GRID1: variants seen among roughly 807,000 people sequenced by gnomAD.
GRID1 encodes glutamate receptor ionotropic, delta-1.
Under a neutral mutation model 98.0 loss-of-function variants are expected in GRID1, and 28 were observed. The ratio of observed to expected loss-of-function variants is 0.29; its 90% confidence interval spans 0.21 to 0.39. The LOEUF (loss-of-function observed/expected upper bound fraction) is 0.39, where lower values mean the gene tolerates loss of function less well. Among genes scored for constraint, GRID1 ranks in the 10% least tolerant of loss-of-function variants. GRID1 has a pLI of 1.00. For synonymous variants in GRID1, 553 were observed against 538.5 expected (o/e 1.03, Z -0.37); for missense variants, 1,111 against 1,340.5 (o/e 0.83, Z 2.67).
intron 4 of GRID1, among the ~76,000 whole-genome samples, chr10:86,116,637 CA>C (rs1564679757): frequency 6.6e-6 from 1 of 152,104 alleles, no homozygotes; most frequent in Admixed American, 6.5e-5. Context: ...GACACACAAG[CA>C]AAAGGCAACA....
intron 4 of GRID1, among the ~76,000 whole-genome samples, chr10:86,109,842 T>C (rs1218995503): frequency 6.6e-6 from 1 of 152,168 alleles, no homozygotes; most frequent in Admixed American, 6.6e-5. Flanking sequence ...GTCCAAATCC[T>C]GCTTCTGTGG....
Position 86,061,419 on chromosome 10 carries a change from A to G in GRID1, c.726+77400T>C, listed in dbSNP as rs190767151. Among the ~76,000 whole-genome samples, 537 of 152,156 alleles carry G rather than the reference A, an allele frequency of 3.5e-3. 3 individuals carry two copies. Among genetic ancestry groups the G allele is most frequent in the African/African-American group, 0.012 (502 of 41,496 alleles). ...GTCTAGGACTCCCTTTCCATTGTGA[A>G]AGCAGCCACCTCCCAGTAGACATCA... is the stretch of plus-strand genomic sequence containing the variant. On this transcript the variant is annotated intron_variant, in intron 4 of 15. Coordinates refer to ENST00000327946, the MANE Select transcript of GRID1 (RefSeq NM_017551.3).
Position 85,724,613 on chromosome 10 carries a change from T to C in GRID1, c.1597A>G (p.Ser533Gly). The change falls in exon 11 of 16, where the codon AGC (serine) becomes GGC (glycine). Residue 533 changes from serine to glycine, a missense_variant. Physicochemically the swap from Ser to Gly is moderately conservative, Grantham distance 56. Coordinates refer to ENST00000327946, the MANE Select transcript of GRID1 (RefSeq NM_017551.3). The stretch of plus-strand genomic sequence containing the variant: ...ACTGAATAGTCCATGTACCGCTTGC[T>C]GAAGTCCACAACGCTCTCCCTCTCT... ...TPERESVVDF[S>G]KRYMDYSVGI... 1 of 1,613,552 alleles carries C rather than the reference T, an allele frequency of 6.2e-7. No homozygotes were observed. The highest frequency in any genetic ancestry group is 8.5e-7 in the Non-Finnish European group (1 of 1,180,008).
At chr10:86,202,289 T>C (rs192249080) in intron 3 of GRID1, among the ~76,000 whole-genome samples, 1 of 152,348 alleles carries the variant, frequency 6.6e-6, no homozygotes, top group Admixed American at 6.5e-5. Flanking sequence ...GCAAAATACC[T>C]GGCATGCGGT....
intron 3 of GRID1, among the ~76,000 whole-genome samples, chr10:86,159,037 G>A (rs1053573858): frequency 1.2e-4 from 18 of 152,094 alleles, no homozygotes; most frequent in African/African-American, 4.3e-4. Context: ...GGGACCACAG[G>A]CGCCCGCGAC....
chr10:86,139,780 G>A (rs551721322), intron 3 of GRID1, among the ~76,000 whole-genome samples: 56 of 152,262 alleles, frequency 3.7e-4, no homozygotes, highest in Middle Eastern at 6.8e-3. Flanking sequence ...GAGGTCTGTC[G>A]GCACAAACCA....
chr10:86,195,293 G>A lies in GRID1; in HGVS notation c.520+11071C>T, dbSNP rs1845856750. 1.3e-5 allele frequency among the ~76,000 whole-genome samples: 2 copies of A among 152,038 alleles called. No individual in the cohort carries two copies. The highest frequency in any genetic ancestry group is 4.8e-5 in the African/African-American group (2 of 41,420). On this transcript the variant is annotated intron_variant, in intron 3 of 15. Transcript: ENST00000327946. This position sits in a 1 kb window ranked among gnomAD's most constrained non-coding sequence, Gnocchi z 4.4. ...ATTGCCATCCATTCTGTCCTTCATG[G>A]TCTCCTGTAGAGATCAGGTCCCTCA...
chr10:86,142,840 C>T (rs1165828944), intron 3 of GRID1, among the ~76,000 whole-genome samples: 1 of 152,220 alleles, frequency 6.6e-6, no homozygotes, highest in Admixed American at 6.5e-5. Flanking sequence ...CTTCCCTGAG[C>T]TCCCTCTACC....
At chr10:85,818,782 A>G (rs1224886160) in intron 8 of GRID1, among the ~76,000 whole-genome samples, 1 of 152,088 alleles carries the variant, frequency 6.6e-6, no homozygotes, top group Non-Finnish European at 1.5e-5. Context: ...CAGTGGCACA[A>G]TCTTGGCTCA....
chr10:85,682,424 C>T (rs948256572), intron 12 of GRID1, among the ~76,000 whole-genome samples: 1 of 152,194 alleles, frequency 6.6e-6, no homozygotes, highest in Non-Finnish European at 1.5e-5. Flanking sequence ...TGTTCAACAA[C>T]AGGCCCTCCA....
chr10:86,063,185 T>C (rs927494587), intron 4 of GRID1, among the ~76,000 whole-genome samples: 16 of 152,186 alleles, frequency 1.1e-4, no homozygotes, highest in African/African-American at 3.6e-4. Context: ...AACACACTTA[T>C]CAAAAGCAAG....
chr10:85,876,278 G>A (rs938237479), intron 5 of GRID1, among the ~76,000 whole-genome samples: 4 of 151,740 alleles, frequency 2.6e-5, no homozygotes, highest in African/African-American at 7.3e-5. Flanking sequence ...GAGACCCTGG[G>A]GGAGACATGT....
chr10:85,806,887 T>C (rs761980908), intron 8 of GRID1, among the ~76,000 whole-genome samples: 1 of 152,204 alleles, frequency 6.6e-6, no homozygotes, highest in Non-Finnish European at 1.5e-5. Flanking sequence ...TTATCATTAC[T>C]AATCTAATCA....
chr10:86,263,393 C>T (rs549225805), intron 2 of GRID1, among the ~76,000 whole-genome samples: 2 of 152,348 alleles, frequency 1.3e-5, no homozygotes, highest in South Asian at 4.1e-4. Flanking sequence ...AGGATCCCGC[C>T]TCTCCCAGCT....
chr10:86,360,854 C>A (rs1037999965), intron 2 of GRID1, among the ~76,000 whole-genome samples: 3 of 152,278 alleles, frequency 2.0e-5, no homozygotes, highest in Non-Finnish European at 4.4e-5. Flanking sequence ...AACTGAAACT[C>A]TTTAAGCTCC....
At chr10:85,993,610 A>C (rs1256812056) in intron 4 of GRID1, among the ~76,000 whole-genome samples, 1 of 152,174 alleles carries the variant, frequency 6.6e-6, no homozygotes, top group East Asian at 1.9e-4. Context: ...GTTTAGAGAA[A>C]CTAGGTACCC....
chr10:85,619,302 G>A (rs1842830006), intron 14 of GRID1, among the ~76,000 whole-genome samples: 1 of 152,168 alleles, frequency 6.6e-6, no homozygotes, highest in African/African-American at 2.4e-5. Context: ...GGAAAGTTCT[G>A]CCCTACAATC....
chr10:85,768,361 G>C lies in GRID1; in HGVS notation c.1234-38747C>G, dbSNP rs4934129. 6.5e-3 allele frequency among the ~76,000 whole-genome samples: 982 copies of C among 151,654 alleles called. 3 individuals carry two copies. Among genetic ancestry groups the C allele is most frequent in the Non-Finnish European group, 0.011 (735 of 67,924 alleles). On this transcript the variant is annotated intron_variant, in intron 8 of 15. Coordinates refer to ENST00000327946, the MANE Select transcript of GRID1 (RefSeq NM_017551.3). The stretch of plus-strand genomic sequence containing the variant: ...ATTGAAAAATTATTTAAAATGTAGA[G>C]AGCATAAAAGAAGAAAATAGTAATT...
chr10:85,906,881 A>T (rs1841468510), intron 5 of GRID1, among the ~76,000 whole-genome samples: 1 of 152,170 alleles, frequency 6.6e-6, no homozygotes, highest in South Asian at 2.1e-4. Context: ...ACAAAACAAT[A>T]AATTAATATA....
Sources: gnomAD v4.1 joint callset for allele counts (sites outside exome capture counted in the v4.1 genomes callset) on GRCh38, gnomAD v4.1.1 for gene constraint, Gnocchi (gnomAD v3.1) non-coding constraint, MANE v1.5 for transcripts, NCBI Gene and HGNC (gene_info 2026-07-23, HGNC 2026-07-21) for gene names.